The following EEFSEC variants were observed in gnomAD, a reference collection of about 807,000 sequenced individuals.
EEFSEC encodes the protein selenocysteine-specific elongation factor.
A neutral mutation model predicts 42.1 loss-of-function variants in EEFSEC; 43 were observed. That is an observed-to-expected ratio of 1.02 (90% CI 0.80 to 1.32). The LOEUF is 1.32. Among genes scored for constraint, EEFSEC ranks in the 40% most tolerant of loss-of-function variants. The pLI, the probability that EEFSEC is intolerant of heterozygous loss-of-function variation, is 0.00. For synonymous variants in EEFSEC, 354 were observed against 339.1 expected, an observed-to-expected ratio of 1.04 and a Z score of -0.48; for missense variants, 745 against 803.6, an observed-to-expected ratio of 0.93 and a Z score of 0.88.
intron 1 of EEFSEC, among the ~76,000 whole-genome samples, chr3:128,213,615 C>A (rs2065781140): frequency 6.6e-6 from 1 of 151,952 alleles, no homozygotes; most frequent in Non-Finnish European, 1.5e-5. Flanking sequence ...TCAGGTGAAG[C>A]TGGGCAGGAC....
chr3:128,287,607 G>A (rs1277158635), intron 4 of EEFSEC, among the ~76,000 whole-genome samples: 1 of 152,252 alleles, frequency 6.6e-6, no homozygotes, highest in African/African-American at 2.4e-5. Context: ...GAGTCTCCTG[G>A]AGTTAGACTG....
At chr3:128,232,586 C>T (rs1435553589) in intron 1 of EEFSEC, among the ~76,000 whole-genome samples, 3 of 152,092 alleles carry the variant, frequency 2.0e-5, no homozygotes, top group African/African-American at 4.8e-5. Context: ...GGGACTGAGG[C>T]GGGAGAGAAC....
intron 1 of EEFSEC, among the ~76,000 whole-genome samples, chr3:128,178,414 C>T (rs575059046): frequency 4.5e-4 from 68 of 152,258 alleles, no homozygotes; most frequent in Non-Finnish European, 8.1e-4. Flanking sequence ...CATGAGATGT[C>T]AATAGCCTCC....
chr3:128,367,414 G>A (rs931239082), intron 6 of EEFSEC, among the ~76,000 whole-genome samples: 2 of 152,238 alleles, frequency 1.3e-5, no homozygotes, highest in African/African-American at 4.8e-5. Context: ...AAGTGGCATT[G>A]CACTGGGGTC....
intron 4 of EEFSEC, among the ~76,000 whole-genome samples, chr3:128,326,559 A>G (rs932355568): frequency 1.3e-5 from 2 of 152,186 alleles, no homozygotes; most frequent in Non-Finnish European, 2.9e-5. Context: ...GACTCAAGCC[A>G]GCAGTGTGAC....
At chr3:128,161,502 C>T (rs537669692) in intron 1 of EEFSEC, among the ~76,000 whole-genome samples, 38 of 152,224 alleles carry the variant, frequency 2.5e-4, no homozygotes, top group Admixed American at 5.2e-4. Flanking sequence ...GTGCCTCCTG[C>T]GTGGGTCTGA....
the EEFSEC span, among the ~76,000 whole-genome samples, chr3:128,417,372 G>A: frequency 6.6e-6 from 1 of 151,936 alleles, no homozygotes; most frequent in African/African-American, 2.4e-5. The surrounding 1 kb of genome is among the most constrained non-coding windows in gnomAD (Gnocchi z 4.3). Flanking sequence ...GATGTCCCAG[G>A]TACTCCCTCC....
At chr3:128,245,288 G>C (rs1324233747) in intron 1 of EEFSEC, among the ~76,000 whole-genome samples, 1 of 152,218 alleles carries the variant, frequency 6.6e-6, no homozygotes, top group Non-Finnish European at 1.5e-5. Context: ...TAATTCAGTA[G>C]CTATGAGAGG....
chr3:128,180,056 A>T, intron 1 of EEFSEC, among the ~76,000 whole-genome samples: 1 of 152,094 alleles, frequency 6.6e-6, no homozygotes, highest in East Asian at 1.9e-4. Context: ...TATTTGCATT[A>T]TGCTTAGCAT....
At chr3:128,331,864 C>T (rs796360058) in intron 4 of EEFSEC, among the ~76,000 whole-genome samples, 13 of 152,058 alleles carry the variant, frequency 8.5e-5, no homozygotes, top group African/African-American at 3.1e-4. Flanking sequence ...GCGTAACCAC[C>T]CACTTTAGAG....
At chr3:128,339,431 T>C (rs939124321) in intron 4 of EEFSEC, among the ~76,000 whole-genome samples, 1 of 152,234 alleles carries the variant, frequency 6.6e-6, no homozygotes, top group African/African-American at 2.4e-5. Context: ...GCAGGTCTTC[T>C]GAAATATGTT....
At chr3:128,329,744 C>A (rs1272313177) in intron 4 of EEFSEC, among the ~76,000 whole-genome samples, 1 of 152,228 alleles carries the variant, frequency 6.6e-6, no homozygotes, top group African/African-American at 2.4e-5. Context: ...GCCTGTGTGC[C>A]CATCCAGCAG....
intron 1 of EEFSEC, among the ~76,000 whole-genome samples, chr3:128,219,774 GA>G (rs63599162): frequency 0.13 from 16,830 of 133,042 alleles, 2,347 homozygotes; most frequent in East Asian, 0.37. Context: ...ATAGACACTA[GA>G]AAAAAAAAAA....
intron 1 of EEFSEC, among the ~76,000 whole-genome samples, chr3:128,208,464 C>T (rs1033465131): frequency 2.0e-5 from 3 of 152,190 alleles, no homozygotes; most frequent in African/African-American, 7.2e-5. Flanking sequence ...CAAACTCTAT[C>T]TAGTGAGTGC....
At chr3:128,191,075 T>A (rs998403128) in intron 1 of EEFSEC, among the ~76,000 whole-genome samples, 1 of 152,208 alleles carries the variant, frequency 6.6e-6, no homozygotes, top group African/African-American at 2.4e-5. Flanking sequence ...CTCTCTATGA[T>A]GTTTGCACAA....
the EEFSEC span, among the ~76,000 whole-genome samples, chr3:128,423,817 T>C: frequency 1.3e-5 from 2 of 152,248 alleles, no homozygotes; most frequent in Admixed American, 6.5e-5. Context: ...GGGAACTTTA[T>C]AGCATGTAAG....
intron 4 of EEFSEC, among the ~76,000 whole-genome samples, chr3:128,278,865 A>G (rs2066494874): frequency 6.6e-6 from 1 of 152,192 alleles, no homozygotes; most frequent in African/African-American, 2.4e-5. Context: ...TCCAGGTAAT[A>G]GAGAGGGCAG....
intron 1 of EEFSEC, 52 bp downstream of exon 1, chr3:128,153,875 C>T (rs1944310459): frequency 2.1e-6 from 3 of 1,447,922 alleles, no homozygotes; most frequent in East Asian, 2.8e-5. Flanking sequence ...GCGGAGCGAC[C>T]GGGCCCCGTG....
Position 128,207,197 on chromosome 3 carries a change from A to G in EEFSEC, c.317-39639A>G, listed in dbSNP as rs569055052. Among the ~76,000 whole-genome samples, 384 of 143,892 alleles carry G rather than the reference A, an allele frequency of 2.7e-3. 1 individual carries two copies. The highest frequency in any genetic ancestry group is 4.8e-3 in the Non-Finnish European group (317 of 65,910). The allele number at this position is 143,892 out of a possible 152,430, so 94.4% of individuals were successfully genotyped here. A position where few individuals can be genotyped will look rare whatever the true frequency, so the allele number is the denominator to read the frequency against. ...CCTTCCTGCTCCCCTCTCTCCCTCTATTTCCCTTCTTCCTTCTCTCTCTTC... is the reference window on the plus strand; with the variant it reads ...CCTTCCTGCTCCCCTCTCTCCCTCTGTTTCCCTTCTTCCTTCTCTCTCTTC... On this transcript the variant is annotated intron_variant, in intron 1 of 6. Transcript: ENST00000254730.
Sources: gnomAD v4.1 joint callset for allele counts (sites outside exome capture counted in the v4.1 genomes callset) on GRCh38, gnomAD v4.1.1 for gene constraint, Gnocchi (gnomAD v3.1) non-coding constraint, MANE v1.5 for transcripts, NCBI Gene and HGNC (gene_info 2026-07-23, HGNC 2026-07-21) for gene names.